FAM114A1: variants seen among roughly 807,000 people sequenced by gnomAD.
The protein encoded by FAM114A1 is protein NOXP20.
Under a neutral mutation model 64.3 loss-of-function variants are expected in FAM114A1, and 62 were observed. The ratio of observed to expected loss-of-function variants is 0.96; its 90% CI spans 0.79 to 1.19. The LOEUF is 1.19. FAM114A1 is among the 50% of genes most tolerant of loss of function. The pLI is 0.00. For missense variants in FAM114A1, 645 were observed against 676.3 expected (o/e 0.95, Z 0.51); for synonymous variants, 254 against 251.1 (o/e 1.01, Z -0.11).
intron 2 of FAM114A1, among the ~76,000 whole-genome samples, chr4:38,871,321 G>A (rs1714060101): frequency 6.6e-6 from 1 of 151,806 alleles, no homozygotes; most frequent in Admixed American, 6.6e-5. Context: ...GGAACTCCTG[G>A]CCTCAAGTGA....
intron 11 of FAM114A1, 66 bp downstream of exon 11, chr4:38,931,678 A>G: frequency 6.8e-7 from 1 of 1,465,414 alleles, no homozygotes; most frequent in Non-Finnish European, 9.1e-7. Context: ...TAGCAGCTTA[A>G]TTTTAATTGA....
intron 2 of FAM114A1, among the ~76,000 whole-genome samples, chr4:38,870,504 A>G (rs1375254466): frequency 3.3e-5 from 5 of 152,240 alleles, no homozygotes; most frequent in Admixed American, 2.6e-4. Context: ...AATACCTTGC[A>G]TAGTTCTGGG....
At chr4:38,868,053 G>T in intron 1 of FAM114A1, 1 of 421,290 alleles carries the variant, frequency 2.4e-6, no homozygotes, top group South Asian at 1.7e-5. Flanking sequence ...GGGTGCGGGC[G>T]TGTGAGTGTG....
chr4:38,945,722 TA>T lies in FAM114A1; in HGVS notation c.*2168del, dbSNP rs761436756. The T allele has an allele frequency of 2.6e-5, 4 of 152,170 alleles. No individual in the cohort carries two copies. The highest frequency in any genetic ancestry group is 5.9e-5 in the Non-Finnish European group (4 of 68,030). 9.4% of individuals were successfully genotyped at this position (152,170 alleles called of 1,614,324 possible). A position where few individuals can be genotyped will look rare whatever the true frequency, so the allele number is the denominator to read the frequency against. ...GAAAAAAATTACCTGAGAAATCAATTAAAGATTTTTCCCCTTTTCTGATTGC... is the reference window on the plus strand; with the variant it reads ...GAAAAAAATTACCTGAGAAATCAATTAAGATTTTTCCCCTTTTCTGATTGC... On this transcript the variant is annotated 3_prime_UTR_variant, in exon 15 of 15. Coordinates refer to ENST00000358869, the MANE Select transcript of FAM114A1 (RefSeq NM_138389.4).
In FAM114A1 at chr4:38,935,482, G is replaced by A. The variant is rs1220236150; in HGVS notation, c.1464-236G>A. On this transcript the variant is annotated intron_variant, in intron 12 of 14. Coordinates refer to ENST00000358869, the MANE Select transcript of FAM114A1 (RefSeq NM_138389.4). ...ATTCTAAAAGAGGTCAAGTGAGTTG[G>A]ATGATTATTCTTTAATTAAGCATGG... Among the ~76,000 whole-genome samples the A allele has an allele frequency of 7.2e-5, 11 of 152,162 alleles. 1 individual carries two copies. The highest frequency in any genetic ancestry group is 8.8e-5 in the Non-Finnish European group (6 of 68,034).
chr4:38,891,512 C>T (rs1216690690), intron 3 of FAM114A1, among the ~76,000 whole-genome samples: 1 of 152,184 alleles, frequency 6.6e-6, no homozygotes. Context: ...TCCCTTCTCA[C>T]TTCAAACCAA....
intron 2 of FAM114A1, among the ~76,000 whole-genome samples, chr4:38,873,527 A>G (rs894995884): frequency 6.6e-6 from 1 of 152,208 alleles, no homozygotes; most frequent in South Asian, 2.1e-4. Context: ...CATAGGAAAA[A>G]CTGAAGCAAC....
In FAM114A1 at chr4:38,894,642, A is replaced by G. The variant is rs183113497; in HGVS notation, c.436+2812A>G. Among the ~76,000 whole-genome samples the G allele has an allele frequency of 4.6e-5, 7 of 152,336 alleles. No homozygotes were observed. In the East Asian group the frequency reaches 7.7e-4, roughly 17 times the overall value. On this transcript the variant is annotated intron_variant, in intron 4 of 14. Transcript: ENST00000358869. ...AAGAAGATGCTGGATAGTAAATTCAATGGGCGAGCTGTCAGTCCGTGGATG... is the reference window on the plus strand; with the variant it reads ...AAGAAGATGCTGGATAGTAAATTCAGTGGGCGAGCTGTCAGTCCGTGGATG...
intron 12 of FAM114A1, 116 bp from the exon 13 acceptor site, chr4:38,935,602 A>G (rs1721011246): frequency 2.1e-5 from 14 of 660,710 alleles, no homozygotes; most frequent in Middle Eastern, 4.2e-4. Flanking sequence ...AGCATCTTCA[A>G]GCATGTGTGG....
rs754863057 is a variant in FAM114A1, at chr4:38,878,160, G to A, written c.82G>A (p.Glu28Lys). 2 of 1,614,220 alleles carry A rather than the reference G, an allele frequency of 1.2e-6. No homozygotes were observed. Among genetic ancestry groups the A allele is most frequent in the East Asian group, 4.5e-5 (2 of 44,890 alleles). Residue 28 changes from glutamate to lysine, a missense_variant, in exon 3 of 15, where the codon GAG (glutamate) becomes AAG (lysine). By Grantham distance (56) the Glu-to-Lys change is moderately conservative (BLOSUM62 1). Transcript: ENST00000358869. Reference protein sequence around the residue: ...TEMPNSDSLPEDAEVHCDSAA... With the variant: ...TEMPNSDSLPKDAEVHCDSAA... ...GATGCCTAATAGTGATTCTTTACCTGAGGATGCAGAAGTGCATTGTGATTC... is the reference window on the plus strand; with the variant it reads ...GATGCCTAATAGTGATTCTTTACCTAAGGATGCAGAAGTGCATTGTGATTC...
intron 3 of FAM114A1, 50 bp from the exon 4 acceptor site, chr4:38,891,693 T>A: frequency 6.7e-7 from 1 of 1,498,058 alleles, no homozygotes; most frequent in South Asian, 1.3e-5. Context: ...TGTTTTTCCA[T>A]TCAGAGATAT....
intron 7 of FAM114A1, among the ~76,000 whole-genome samples, chr4:38,910,300 G>A (rs576588455): frequency 5.1e-4 from 77 of 152,196 alleles, no homozygotes; most frequent in African/African-American, 1.5e-3. Flanking sequence ...AGCACTAGAT[G>A]TCATGAAAGA....
chr4:38,872,507 C>A (rs186589616), intron 2 of FAM114A1, among the ~76,000 whole-genome samples: 2 of 152,216 alleles, frequency 1.3e-5, no homozygotes, highest in Non-Finnish European at 2.9e-5. Context: ...TAAGGATTTT[C>A]AAATTACCTT....
At chr4:38,917,821 C>T (rs1397678662) in intron 8 of FAM114A1, among the ~76,000 whole-genome samples, 1 of 152,190 alleles carries the variant, frequency 6.6e-6, no homozygotes, top group Admixed American at 6.5e-5. Flanking sequence ...CCTCCACAAG[C>T]TCTGCTTTCT....
chr4:38,914,963 C>T lies in FAM114A1; in HGVS notation c.835C>T (p.Gln279Ter), dbSNP rs755418170. The change falls in exon 8 of 15, where the codon CAG becomes TAG. Residue 279 changes from glutamine to a stop codon, truncating the protein, a stop_gained. Transcript: ENST00000358869. LOFTEE classifies it high-confidence loss of function. Reference protein sequence around the residue: ...AKEKEKQRLAQQLTMERTAHY... With the variant: ...AKEKEKQRLA ...GGAGAAGGAGAAGCAGAGACTGGCA[C>T]AGCAGCTCACGATGGAGAGAACCGC... 7.4e-6 allele frequency: 12 copies of T among 1,614,112 alleles called. No individual in the cohort carries two copies. The highest frequency in any genetic ancestry group is 9.3e-6 in the Non-Finnish European group (11 of 1,180,008).
Position 38,917,149 on chromosome 4 carries a change from CAAAT to C in FAM114A1, c.945+2112_945+2115del, listed in dbSNP as rs55953630. Reference sequence around the variant, plus strand: ...TGAAGCCCCATCTCTACTAAAAATACAAATAAATAAATAAATAAATAAATAAATA... The same window carrying C: ...TGAAGCCCCATCTCTACTAAAAATACAAATAAATAAATAAATAAATAAATA... On this transcript the variant is annotated intron_variant, in intron 8 of 14. Transcript: ENST00000358869. Among the ~76,000 whole-genome samples the C allele has an allele frequency of 4.3e-3, 613 of 143,130 alleles. 3 individuals carry two copies. The Middle Eastern group carries it at 0.049, about 11-fold the overall frequency. 93.9% of individuals were successfully genotyped at this position (143,130 alleles called of 152,430 possible).
At chr4:38,915,708 G>A (rs1189515970) in intron 8 of FAM114A1, among the ~76,000 whole-genome samples, 1 of 145,528 alleles carries the variant, frequency 6.9e-6, no homozygotes, top group Non-Finnish European at 1.5e-5. Flanking sequence ...AAGTCAGCAG[G>A]GTTTGGTGAT....
At chr4:38,936,378 G>A (rs1462400167) in intron 13 of FAM114A1, among the ~76,000 whole-genome samples, 19 of 151,942 alleles carry the variant, frequency 1.3e-4, no homozygotes, top group Non-Finnish European at 2.6e-4. Flanking sequence ...ACAGGCGTGA[G>A]CCACCGCGCC....
At chr4:38,908,451 G>A in intron 6 of FAM114A1, 141 bp from the exon 7 acceptor site, 1 of 714,462 alleles carries the variant, frequency 1.4e-6, no homozygotes, top group Non-Finnish European at 2.1e-6. Context: ...TTAAATGGAT[G>A]ATAAATCTCC....
Sources: allele counts gnomAD v4.1 joint callset (sites outside exome capture counted in the v4.1 genomes callset), GRCh38; gene constraint gnomAD v4.1.1; transcripts MANE v1.5; gene names NCBI Gene and HGNC (gene_info 2026-07-23, HGNC 2026-07-21).